The following MBD2 variants were observed in gnomAD, a reference collection of about 807,000 sequenced individuals.
MBD2 encodes methyl-CpG-binding domain protein 2.
In MBD2, 9 loss-of-function variants were observed where a neutral mutation model predicts 39.3. The ratio of observed to expected loss-of-function variants is 0.23; its 90% CI spans 0.14 to 0.40. The LOEUF is 0.40. Ranked by LOEUF, MBD2 falls within the 10% of genes least tolerant of loss-of-function variation. MBD2 has a pLI of 1.00. For missense variants in MBD2, 458 were observed against 532.6 expected (o/e 0.86, Z 1.38); for synonymous variants, 233 against 211.1 (o/e 1.10, Z -0.90).
Position 54,224,514 on chromosome 18 carries a change from C to T in MBD2, c.46G>A (p.Glu16Lys). The change falls in exon 1 of 7, where the codon GAG (glutamate) becomes AAG (lysine). Residue 16 changes from glutamate (E) to lysine (K), a missense_variant. Glu to Lys is a moderately conservative substitution (Grantham distance 56, BLOSUM62 1). Transcript: ENST00000256429. ...CTGCCGCCCGCCGCACTCTCCCCCTCCTCCTGCTCCGGGCAGCAGCGGCCT... is the reference window on the plus strand; with the variant it reads ...CTGCCGCCCGCCGCACTCTCCCCCTTCTCCTGCTCCGGGCAGCAGCGGCCT... ...GGGRCCPEQEEGESAAGGSGA... is the reference protein window; with the variant it reads ...GGGRCCPEQEKGESAAGGSGA... The T allele has an allele frequency of 1.6e-6, 2 of 1,235,138 alleles. No individual in the cohort carries two copies. Among genetic ancestry groups the T allele is most frequent in the Non-Finnish European group, 2.0e-6 (2 of 990,638 alleles). The allele number at this position is 1,235,138 out of a possible 1,614,324, so 76.5% of individuals were successfully genotyped here.
chr18:54,202,909 G>A (rs1401120824), intron 2 of MBD2: 1 of 1,107,422 alleles, frequency 9.0e-7, no homozygotes. Flanking sequence ...TGGAGGAAAG[G>A]ATTGGTTCTG....
At chr18:54,209,472 G>C (rs867953203) in intron 1 of MBD2, among the ~76,000 whole-genome samples, 1 of 152,118 alleles carries the variant, frequency 6.6e-6, no homozygotes, top group Non-Finnish European at 1.5e-5. Context: ...TATTCATAAT[G>C]AATAACCATT....
In MBD2 at chr18:54,218,053, C is replaced by A. The variant is rs2086576216; in HGVS notation, c.542+5965G>T. On this transcript the variant is annotated intron_variant, in intron 1 of 6. Transcript: ENST00000256429. ...GAGAAAAGACTTAAAGCAAGCCAAACTTTCTATTATGCAATTAAGCTCTTA... is the reference window on the plus strand; with the variant it reads ...GAGAAAAGACTTAAAGCAAGCCAAAATTTCTATTATGCAATTAAGCTCTTA... 2.0e-5 allele frequency among the ~76,000 whole-genome samples: 3 copies of A among 152,192 alleles called. No individual in the cohort carries two copies. The South Asian group carries it at 6.2e-4, about 31-fold the overall frequency.
intron 6 of MBD2, 36 bp downstream of exon 6, chr18:54,159,729 T>G: frequency 2.5e-6 from 4 of 1,596,012 alleles, no homozygotes; most frequent in Non-Finnish European, 3.4e-6. Context: ...AAAACACACC[T>G]TAAGTTCCAA....
chr18:54,192,293 C>T (rs1347893128), intron 2 of MBD2, among the ~76,000 whole-genome samples: 3 of 152,128 alleles, frequency 2.0e-5, no homozygotes, highest in Non-Finnish European at 2.9e-5. Flanking sequence ...AGTGCAGTGG[C>T]GCGATCTTGG....
intron 3 of MBD2, among the ~76,000 whole-genome samples, chr18:54,173,528 A>G (rs1167486564): frequency 6.6e-6 from 1 of 152,220 alleles, no homozygotes; most frequent in Non-Finnish European, 1.5e-5. Flanking sequence ...GCAGTACGTA[A>G]GGAAAGGCTG....
intron 2 of MBD2, among the ~76,000 whole-genome samples, chr18:54,201,142 C>T (rs368381365): frequency 1.3e-5 from 2 of 152,248 alleles, no homozygotes; most frequent in South Asian, 4.1e-4. Context: ...ACTCAACAGC[C>T]ACCTGTGGCT....
intron 1 of MBD2, among the ~76,000 whole-genome samples, chr18:54,209,005 A>C (rs2086476691): frequency 1.3e-5 from 2 of 152,190 alleles, no homozygotes; most frequent in South Asian, 4.1e-4. Context: ...TTTAAAAATG[A>C]AATGGGGGGC....
chr18:54,166,379 C>A (rs145486593), intron 3 of MBD2, among the ~76,000 whole-genome samples: 1 of 152,184 alleles, frequency 6.6e-6, no homozygotes, highest in Non-Finnish European at 1.5e-5. Context: ...GGTTGTTTTA[C>A]ATAACCTATT....
At chr18:54,223,662 G>C (rs1226798379) in intron 1 of MBD2, among the ~76,000 whole-genome samples, 1 of 152,074 alleles carries the variant, frequency 6.6e-6, no homozygotes, top group Non-Finnish European at 1.5e-5. Flanking sequence ...GATGAATCTG[G>C]GACAGGCTGG....
In MBD2 at chr18:54,166,107, T is replaced by C. The variant is rs768691066; in HGVS notation, c.900A>G (p.Ile300Met). The C allele has an allele frequency of 2.5e-6, 4 of 1,613,874 alleles. No homozygotes were observed. The highest frequency in any genetic ancestry group is 3.4e-6 in the Non-Finnish European group (4 of 1,179,802). ...LSASDVTEQI[I>M]KTMELPKGLQ... ...GACCTTTGGGTAGTTCCATGGTTTT[T>C]ATAATTTGTTCTGTTACATCTGATG... The change falls in exon 4 of 7, where the codon ATA becomes ATG. Residue 300 changes from isoleucine to methionine, a missense_variant. Coordinates refer to ENST00000256429, the MANE Select transcript of MBD2 (RefSeq NM_003927.5).
At chr18:54,199,496 A>C (rs1314849341) in intron 2 of MBD2, among the ~76,000 whole-genome samples, 1 of 152,204 alleles carries the variant, frequency 6.6e-6, no homozygotes, top group Admixed American at 6.5e-5. Flanking sequence ...TGACAAAAAC[A>C]CTATGAAAGG....
chr18:54,166,251 A>C, intron 3 of MBD2, 85 bp from the exon 4 acceptor site: 1 of 777,150 alleles, frequency 1.3e-6, no homozygotes, highest in Non-Finnish European at 2.2e-6. Flanking sequence ...TGAAATTTAA[A>C]TCATTTCAAT....
intron 3 of MBD2, among the ~76,000 whole-genome samples, chr18:54,173,082 T>G (rs548562741): frequency 7.2e-5 from 11 of 152,334 alleles, no homozygotes; most frequent in African/African-American, 2.6e-4. Flanking sequence ...AAGGTAAGTA[T>G]TAGCAAATGA....
At position 54,206,784 on chromosome 18, in the gene MBD2, C is replaced by A. The variant is rs373410550; in HGVS notation, c.543-1627G>T. Among the ~76,000 whole-genome samples the A allele has an allele frequency of 2.5e-3, 372 of 151,492 alleles. 1 individual carries two copies. The highest frequency in any genetic ancestry group is 8.4e-3 in the African/African-American group (350 of 41,426). Reference sequence around the variant, plus strand: ...ACAACAAGAACAATACAAGAAAAAACCAGAGGAAAGAGTACAGGATTCTAC... The same window carrying A: ...ACAACAAGAACAATACAAGAAAAAAACAGAGGAAAGAGTACAGGATTCTAC... On this transcript the variant is annotated intron_variant, in intron 1 of 6. Transcript: ENST00000256429.
intron 5 of MBD2, among the ~76,000 whole-genome samples, chr18:54,163,740 TCTTA>T (rs2086111833): frequency 6.6e-6 from 1 of 152,104 alleles, no homozygotes; most frequent in Admixed American, 6.6e-5. Context: ...GCTTCTTCTT[TCTTA>T]CTTGCTTCTC....
chr18:54,176,594 G>A (rs1180346325), intron 3 of MBD2, among the ~76,000 whole-genome samples: 2 of 152,206 alleles, frequency 1.3e-5, no homozygotes, highest in African/African-American at 4.8e-5. Flanking sequence ...GGGCTACGTG[G>A]ATGAATGGTG....
rs779054885 is a variant in MBD2 at position 54,164,550 on chromosome 18, G to A, written c.1082C>T (p.Ala361Val). The change falls in exon 5 of 7, where the codon GCT becomes GTT. Residue 361 changes from alanine to valine, a missense_variant. Physicochemically the swap from Ala to Val is moderately conservative, Grantham distance 64 (BLOSUM62 0). Around this residue, in one of 2 missense-constraint regions of MBD2, gnomAD observed 189 missense variants for 296.6 expected, o/e 0.64. Coordinates refer to ENST00000256429, the MANE Select transcript of MBD2 (RefSeq NM_003927.5). ...WLNTSQPLCK[A>V]FIVTDEDIRK... ...GATGTCTTCATCTGTGACAATAAAA[G>A]CTTTGCAGAGGGGTTGAGATGTGTT... The A allele has an allele frequency of 6.9e-5, 112 of 1,613,612 alleles. No homozygotes were observed. The highest frequency in any genetic ancestry group is 8.6e-5 in the Non-Finnish European group (101 of 1,179,642).
chr18:54,207,123 A>C (rs1219938721), intron 1 of MBD2, among the ~76,000 whole-genome samples: 1 of 152,158 alleles, frequency 6.6e-6, no homozygotes, highest in East Asian at 1.9e-4. Flanking sequence ...CTCCTTAATA[A>C]GTCATCGAAA....
Sources: gnomAD v4.1 joint callset for allele counts (sites outside exome capture counted in the v4.1 genomes callset) on GRCh38, gnomAD v4.1.1 for gene constraint, gnomAD v4.1.1 regional missense constraint, MANE v1.5 for transcripts, NCBI Gene and HGNC (gene_info 2026-07-23, HGNC 2026-07-21) for gene names.